The following AGBL1 variants were observed in gnomAD, a reference collection of about 807,000 sequenced individuals.
AGBL1 encodes AGBL carboxypeptidase 1, also known as cytosolic carboxypeptidase 4.
In AGBL1, 130 loss-of-function variants were observed where a neutral mutation model predicts 118.9. That is an observed-to-expected ratio of 1.09 (90% confidence interval 0.95 to 1.26). The LOEUF is 1.26. AGBL1 is among the 50% of genes most tolerant of loss of function. The pLI is 0.00. For missense variants in AGBL1, 1,584 were observed against 1,298.1 expected, an observed-to-expected ratio of 1.22 and a Z score of -3.38; for synonymous variants, 555 against 478.9, an observed-to-expected ratio of 1.16 and a Z score of -2.08.
At chr15:86,380,904 T>A (rs1261388229) in intron 17 of AGBL1, among the ~76,000 whole-genome samples, 1 of 151,776 alleles carries the variant, frequency 6.6e-6, no homozygotes, top group East Asian at 1.9e-4. Context: ...TACTCACTAC[T>A]CTTTGTTGTT....
At chr15:86,728,009 A>T (rs772031774) in intron 22 of AGBL1, among the ~76,000 whole-genome samples, 1 of 152,172 alleles carries the variant, frequency 6.6e-6, no homozygotes, top group Non-Finnish European at 1.5e-5. Context: ...CCTTTATGCA[A>T]ATGATATACA....
chr15:86,263,538 A>C (rs2079027031), intron 10 of AGBL1, among the ~76,000 whole-genome samples: 1 of 152,248 alleles, frequency 6.6e-6, no homozygotes, highest in Non-Finnish European at 1.5e-5. Context: ...GCACTGAAAA[A>C]GCAAATAAAA....
chr15:86,448,876 C>T (rs1013968028), intron 18 of AGBL1, among the ~76,000 whole-genome samples: 13 of 151,992 alleles, frequency 8.6e-5, no homozygotes, highest in Non-Finnish European at 1.8e-4. Context: ...AGCTGATTTC[C>T]GAAGGAATAT....
chr15:86,737,063 G>A (rs1277959661), intron 22 of AGBL1, among the ~76,000 whole-genome samples: 1 of 152,166 alleles, frequency 6.6e-6, no homozygotes, highest in Non-Finnish European at 1.5e-5. Flanking sequence ...GCTATGTGTA[G>A]AAGACACTGT....
chr15:86,106,317 A>G (rs1314275384), intron 1 of AGBL1, among the ~76,000 whole-genome samples: 1 of 152,242 alleles, frequency 6.6e-6, no homozygotes, highest in Non-Finnish European at 1.5e-5. Flanking sequence ...CACTGTACCT[A>G]TGATCAAAGC....
chr15:86,880,951 G>A (rs2079883284), intron 22 of AGBL1, among the ~76,000 whole-genome samples: 1 of 152,114 alleles, frequency 6.6e-6, no homozygotes, highest in Non-Finnish European at 1.5e-5. Flanking sequence ...CAGGGGAGGG[G>A]GCGTCTGTGT....
intron 21 of AGBL1, among the ~76,000 whole-genome samples, chr15:86,654,257 G>C (rs1478847503): frequency 2.6e-5 from 4 of 152,086 alleles, no homozygotes; most frequent in African/African-American, 4.8e-5. Flanking sequence ...TCCTCCCCTA[G>C]AGCTCTGCCA....
At chr15:86,344,171 C>G (rs1257387118) in intron 17 of AGBL1, among the ~76,000 whole-genome samples, 6 of 152,174 alleles carry the variant, frequency 3.9e-5, no homozygotes, top group Non-Finnish European at 7.3e-5. Context: ...AGGGGCATGG[C>G]TCTTGTACCA....
At chr15:86,415,188 A>C (rs2081674348) in intron 18 of AGBL1, among the ~76,000 whole-genome samples, 1 of 152,122 alleles carries the variant, frequency 6.6e-6, no homozygotes. Context: ...TGTACTCCCC[A>C]CCAATGATCC....
chr15:86,759,216 T>A (rs1433411972), intron 22 of AGBL1, among the ~76,000 whole-genome samples: 3 of 152,152 alleles, frequency 2.0e-5, no homozygotes, highest in Non-Finnish European at 2.9e-5. Context: ...TTAAAGACAG[T>A]TGGCCAGTAG....
chr15:86,904,483 G>A (rs1202162992), intron 22 of AGBL1, among the ~76,000 whole-genome samples: 1 of 150,172 alleles, frequency 6.7e-6, no homozygotes, highest in Non-Finnish European at 1.5e-5. Context: ...CATTGCATTT[G>A]GGCAAATAAG....
intron 17 of AGBL1, among the ~76,000 whole-genome samples, chr15:86,387,500 G>C (rs1197864954): frequency 1.3e-5 from 2 of 152,090 alleles, no homozygotes; most frequent in Non-Finnish European, 2.9e-5. Flanking sequence ...AGAGGTTGTA[G>C]TAACGCAGTG....
At chr15:86,714,249 A>G (rs2086604249) in intron 22 of AGBL1, among the ~76,000 whole-genome samples, 2 of 152,192 alleles carry the variant, frequency 1.3e-5, no homozygotes, top group Admixed American at 1.3e-4. Context: ...GGCACATTTT[A>G]CTGGTGACAG....
rs145832307 is a variant in AGBL1, at chr15:86,508,067, C to A, written c.2556-14743C>A. Among the ~76,000 whole-genome samples the A allele has an allele frequency of 2.5e-3, 371 of 148,456 alleles. 1 individual carries two copies. Among genetic ancestry groups the A allele is most frequent in the African/African-American group, 8.8e-3 (353 of 40,108 alleles). On this transcript the variant is annotated intron_variant, in intron 18 of 22. Transcript: ENST00000614907. ...GTTGCTAGGCCAGAGTGCAGTGGCACGAGCCACCATGCCCAGCTAATTTTT... is the reference window on the plus strand; with the variant it reads ...GTTGCTAGGCCAGAGTGCAGTGGCAAGAGCCACCATGCCCAGCTAATTTTT...
chr15:86,418,297 C>T (rs1035833641), intron 18 of AGBL1, among the ~76,000 whole-genome samples: 8 of 152,150 alleles, frequency 5.3e-5, no homozygotes, highest in Non-Finnish European at 1.0e-4. Context: ...TTTAGTGCTG[C>T]CATTGAACCC....
chr15:87,019,696 C>T (rs1370276381), intron 24 of AGBL1, among the ~76,000 whole-genome samples: 1 of 152,042 alleles, frequency 6.6e-6, no homozygotes. Flanking sequence ...AACAACCTAA[C>T]ATCACAACTA....
intron 5 of AGBL1, among the ~76,000 whole-genome samples, chr15:86,214,755 G>A (rs950126061): frequency 6.6e-6 from 1 of 152,190 alleles, no homozygotes; most frequent in African/African-American, 2.4e-5. Context: ...CTCCTTTGCA[G>A]AGTCTCTGCT....
At chr15:86,222,847 A>T (rs1416335400) in intron 5 of AGBL1, among the ~76,000 whole-genome samples, 1 of 152,130 alleles carries the variant, frequency 6.6e-6, no homozygotes, top group Non-Finnish European at 1.5e-5. Flanking sequence ...AGTCACCTTG[A>T]ATTGCTCTCT....
intron 21 of AGBL1, among the ~76,000 whole-genome samples, chr15:86,588,558 A>C (rs1209442635): frequency 1.3e-5 from 2 of 152,212 alleles, no homozygotes; most frequent in Admixed American, 6.5e-5. Flanking sequence ...GCTCATATGC[A>C]GATAGAACTC....
Sources: allele counts gnomAD v4.1 joint callset (sites outside exome capture counted in the v4.1 genomes callset), GRCh38; gene constraint gnomAD v4.1.1; transcripts MANE v1.5; gene names NCBI Gene and HGNC (gene_info 2026-07-23, HGNC 2026-07-21).